The following COL24A1 variants were observed in gnomAD, a reference collection of about 807,000 sequenced individuals.
COL24A1 encodes collagen alpha-1(XXIV) chain.
A neutral mutation model predicts 253.9 loss-of-function variants in COL24A1; 224 were observed. The ratio of observed to expected loss-of-function variants is 0.88; its 90% CI spans 0.79 to 0.99. COL24A1 has a LOEUF of 0.99. Among genes scored for constraint, COL24A1 ranks in the 50% least tolerant of loss-of-function variants. The probability of loss-of-function intolerance (pLI) is 0.00; values close to 1 mark genes in which losing one functional copy is unlikely to be tolerated. For missense variants in COL24A1, 2,131 were observed against 2,068.5 expected, an observed-to-expected ratio of 1.03 and a Z score of -0.59; for synonymous variants, 685 against 673.7, an observed-to-expected ratio of 1.02 and a Z score of -0.26.
rs1361600920 is a variant in COL24A1 at position 85,842,242 on chromosome 1, T to C, written c.3516+98A>G. The C allele has an allele frequency of 5.2e-6, 7 of 1,335,868 alleles. No homozygotes were observed. In the East Asian group the frequency reaches 1.6e-4, roughly 31 times the overall value. 82.8% of individuals were successfully genotyped at this position (1,335,868 alleles called of 1,614,324 possible). On this transcript the variant is annotated intron_variant, in intron 40 of 59. Transcript: ENST00000370571. ...ATGAGACCTAAATATGTTAGAAAGG[T>C]TTATCAGAGAGATTTCATCTTAATT...
intron 53 of COL24A1, among the ~76,000 whole-genome samples, chr1:85,766,385 A>G (rs1214050653): frequency 1.5e-5 from 2 of 137,566 alleles, no homozygotes; most frequent in African/African-American, 3.0e-5. Context: ...AAAAAAAAAA[A>G]AAAAAGAAAG....
At chr1:85,762,797 T>C (rs1284631479) in intron 53 of COL24A1, among the ~76,000 whole-genome samples, 2 of 152,218 alleles carry the variant, frequency 1.3e-5, no homozygotes, top group Admixed American at 6.5e-5. Context: ...AAAATATCAC[T>C]GATGGTTCAG....
intron 19 of COL24A1, among the ~76,000 whole-genome samples, chr1:86,000,141 C>A (rs981077927): frequency 3.9e-5 from 6 of 152,118 alleles, no homozygotes; most frequent in Admixed American, 3.9e-4. Flanking sequence ...AATAAACAAT[C>A]TAATTCAAGG....
chr1:86,054,337 C>T (rs146648562), intron 10 of COL24A1, among the ~76,000 whole-genome samples: 18 of 152,106 alleles, frequency 1.2e-4, no homozygotes, highest in African/African-American at 4.1e-4. Context: ...GTAAAAGAAA[C>T]CATCAACAGA....
chr1:86,099,652 A>G (rs992492475), intron 5 of COL24A1, among the ~76,000 whole-genome samples: 6 of 152,158 alleles, frequency 3.9e-5, no homozygotes, highest in African/African-American at 1.4e-4. Context: ...CCAGCAAATC[A>G]TGTTGACTGT....
At position 86,144,703 on chromosome 1, in the gene COL24A1, T is replaced by C. The variant is rs546425201; in HGVS notation, c.121+1416A>G. Among the ~76,000 whole-genome samples the C allele has an allele frequency of 3.3e-5, 5 of 150,838 alleles. No homozygotes were observed. In the East Asian group the frequency reaches 7.7e-4, roughly 23 times the overall value. On this transcript the variant is annotated intron_variant, in intron 2 of 59. Transcript: ENST00000370571. The stretch of plus-strand genomic sequence containing the variant: ...ATTTGTAGACTTTGCAGTCAAAATA[T>C]GAGCTCAAATCTTGGTTCTTCCATT...
intron 27 of COL24A1, among the ~76,000 whole-genome samples, chr1:85,908,152 T>A (rs756605495): frequency 6.6e-6 from 1 of 151,798 alleles, no homozygotes; most frequent in South Asian, 2.1e-4. Flanking sequence ...CACTTCATCA[T>A]CTTTTTGTAA....
At chr1:86,028,819 T>TA (rs1698286487) in intron 14 of COL24A1, among the ~76,000 whole-genome samples, 1 of 152,192 alleles carries the variant, frequency 6.6e-6, no homozygotes. Flanking sequence ...AAAGTAGAGA[T>TA]AGAGTGTTTC....
At chr1:85,757,864 G>A (rs1666428830) in intron 55 of COL24A1, among the ~76,000 whole-genome samples, 1 of 152,100 alleles carries the variant, frequency 6.6e-6, no homozygotes, top group Admixed American at 6.6e-5. Context: ...AGTGCAGTGA[G>A]GGGATCAAAT....
intron 19 of COL24A1, among the ~76,000 whole-genome samples, chr1:86,009,982 C>T (rs143052445): frequency 3.5e-4 from 53 of 152,028 alleles, no homozygotes; most frequent in Admixed American, 2.5e-3. Context: ...GATTGTTTAA[C>T]GAATGATTCT....
chr1:86,081,720 A>G (rs1470864173), intron 7 of COL24A1, among the ~76,000 whole-genome samples: 1 of 152,200 alleles, frequency 6.6e-6, no homozygotes, highest in East Asian at 1.9e-4. Flanking sequence ...CTAAAGGGCC[A>G]GTAGCAAAGT....
intron 19 of COL24A1, among the ~76,000 whole-genome samples, chr1:85,990,744 G>A (rs570005815): frequency 1.3e-5 from 2 of 152,132 alleles, no homozygotes; most frequent in Non-Finnish European, 2.9e-5. Flanking sequence ...ACTTCAACAA[G>A]GATAAGAACT....
intron 5 of COL24A1, among the ~76,000 whole-genome samples, chr1:86,104,134 T>A (rs1704722402): frequency 6.6e-6 from 1 of 152,228 alleles, no homozygotes; most frequent in Non-Finnish European, 1.5e-5. Flanking sequence ...AGAAAGCCAG[T>A]CTTCAAGCTC....
chr1:86,107,382 C>T (rs1428025710), intron 5 of COL24A1, among the ~76,000 whole-genome samples: 1 of 152,104 alleles, frequency 6.6e-6, no homozygotes, highest in African/African-American at 2.4e-5. Flanking sequence ...GAGGATTATA[C>T]AGTATAAAGC....
intron 2 of COL24A1, among the ~76,000 whole-genome samples, chr1:86,140,893 C>T (rs1650976617): frequency 6.6e-6 from 1 of 152,146 alleles, no homozygotes; most frequent in African/African-American, 2.4e-5. Context: ...AAAACTTGGA[C>T]ATAAAAAATA....
intron 10 of COL24A1, among the ~76,000 whole-genome samples, chr1:86,054,802 A>G (rs1451367998): frequency 1.3e-5 from 2 of 152,180 alleles, no homozygotes; most frequent in South Asian, 4.1e-4. Context: ...TGTATACCCA[A>G]AGAAAAATAA....
chr1:85,883,185 GT>G (rs1281117575), intron 32 of COL24A1, among the ~76,000 whole-genome samples: 1 of 150,394 alleles, frequency 6.6e-6, no homozygotes, highest in African/African-American at 2.4e-5. Flanking sequence ...TCTTTTTAAT[GT>G]TTTTGGCTTC....
chr1:85,853,076 T>C (rs1465154497), intron 37 of COL24A1, among the ~76,000 whole-genome samples: 2 of 152,206 alleles, frequency 1.3e-5, no homozygotes, highest in African/African-American at 4.8e-5. Flanking sequence ...ACCTAGGTAA[T>C]TGGCATAATA....
chr1:86,142,999 A>C lies in COL24A1; in HGVS notation c.121+3120T>G, dbSNP rs897591382. Among the ~76,000 whole-genome samples, 19 of 152,300 alleles carry C rather than the reference A, an allele frequency of 1.2e-4. 2 individuals carry two copies. The highest frequency in any genetic ancestry group is 5.2e-4 in the Admixed American group (8 of 15,300). The stretch of plus-strand genomic sequence containing the variant: ...CTGCAAGCCAGATAAAAAAAGGCAA[A>C]AGATGAAAATATTTCAAATTCTGAG... On this transcript the variant is annotated intron_variant, in intron 2 of 59. Coordinates refer to ENST00000370571, the MANE Select transcript of COL24A1 (RefSeq NM_152890.7).
Sources: allele counts gnomAD v4.1 joint callset (sites outside exome capture counted in the v4.1 genomes callset), GRCh38; gene constraint gnomAD v4.1.1; transcripts MANE v1.5; gene names NCBI Gene and HGNC (gene_info 2026-07-23, HGNC 2026-07-21).